SPATA17: variants seen among roughly 807,000 people sequenced by gnomAD.
SPATA17 encodes spermatogenesis-associated protein 17.
A neutral mutation model predicts 62.2 loss-of-function variants in SPATA17; 53 were observed. That is an observed-to-expected ratio of 0.85 (90% CI 0.68 to 1.07). The LOEUF is 1.07. Among genes scored for constraint, SPATA17 ranks in the 50% least tolerant of loss-of-function variants. The probability of loss-of-function intolerance (pLI) is 0.00; values close to 1 mark genes in which losing one functional copy is unlikely to be tolerated. For synonymous variants in SPATA17, 146 were observed against 146.8 expected (o/e 0.99, Z 0.04); for missense variants, 466 against 425.5 (o/e 1.10, Z -0.84).
At chr1:217,685,302 A>G (rs946190906) in intron 5 of SPATA17, among the ~76,000 whole-genome samples, 6 of 152,188 alleles carry the variant, frequency 3.9e-5, no homozygotes, top group Admixed American at 3.9e-4. Flanking sequence ...AATAGGAGAA[A>G]GTCAAGGAGG....
intron 3 of SPATA17, among the ~76,000 whole-genome samples, chr1:217,660,876 G>C (rs898665478): frequency 1.3e-5 from 2 of 152,154 alleles, no homozygotes; most frequent in Non-Finnish European, 2.9e-5. Flanking sequence ...ACAAAAGCAA[G>C]GATGTTTATA....
chr1:217,707,033 A>G (rs1671753045), intron 5 of SPATA17, among the ~76,000 whole-genome samples: 1 of 151,800 alleles, frequency 6.6e-6, no homozygotes, highest in African/African-American at 2.4e-5. Context: ...TGCCCAGCTA[A>G]TTTTTGTATT....
intron 5 of SPATA17, among the ~76,000 whole-genome samples, chr1:217,705,850 T>C (rs544785527): frequency 1.8e-4 from 27 of 152,342 alleles, no homozygotes; most frequent in African/African-American, 6.5e-4. Flanking sequence ...AGGGTTTTTA[T>C]AGTTTTAGGT....
chr1:217,857,912 G>A (rs1431893720), intron 9 of SPATA17, among the ~76,000 whole-genome samples: 1 of 152,182 alleles, frequency 6.6e-6, no homozygotes, highest in Non-Finnish European at 1.5e-5. Flanking sequence ...ATAAGACCAA[G>A]TTTTGGTTAC....
At chr1:217,715,117 G>T (rs1045578680) in intron 5 of SPATA17, among the ~76,000 whole-genome samples, 50 of 152,062 alleles carry the variant, frequency 3.3e-4, no homozygotes, top group African/African-American at 1.2e-3. Flanking sequence ...CCCCTACCGT[G>T]ACCAAGATGG....
At chr1:217,854,328 G>A (rs979825545) in intron 9 of SPATA17, among the ~76,000 whole-genome samples, 1 of 152,084 alleles carries the variant, frequency 6.6e-6, no homozygotes, top group African/African-American at 2.4e-5. Context: ...TAGCAAGTTG[G>A]CAAATTTCAA....
intron 6 of SPATA17, among the ~76,000 whole-genome samples, chr1:217,757,786 A>G (rs1262086851): frequency 6.6e-6 from 1 of 152,216 alleles, no homozygotes; most frequent in Admixed American, 6.5e-5. Flanking sequence ...AAGAGGATGC[A>G]GTGAAGATCA....
intron 9 of SPATA17, among the ~76,000 whole-genome samples, chr1:217,815,713 G>A (rs1307493105): frequency 2.6e-5 from 4 of 152,142 alleles, no homozygotes; most frequent in Non-Finnish European, 4.4e-5. Context: ...CAATAAGTTA[G>A]TGGTTTTAAG....
chr1:217,636,763 T>C (rs1391906006), intron 1 of SPATA17, among the ~76,000 whole-genome samples: 1 of 152,204 alleles, frequency 6.6e-6, no homozygotes. Flanking sequence ...CATTTTGCTT[T>C]TATTTTTCCC....
At chr1:217,778,520 C>CA (rs1325165416) in intron 7 of SPATA17, among the ~76,000 whole-genome samples, 2 of 151,948 alleles carry the variant, frequency 1.3e-5, no homozygotes, top group Non-Finnish European at 2.9e-5. Context: ...GACTCCATCC[C>CA]AAAAAATAAT....
At position 217,643,735 on chromosome 1, in the gene SPATA17, A is replaced by AT. The variant is rs35299208; in HGVS notation, c.69-5135dup. ...CTCTCTATATATATATATATATATA[A>AT]TTTTTTTTTTTTAGATGGAGTCTCA... On this transcript the variant is annotated intron_variant, in intron 1 of 10. Coordinates refer to ENST00000366933, the MANE Select transcript of SPATA17 (RefSeq NM_138796.4). Among the ~76,000 whole-genome samples the AT allele has an allele frequency of 7.8e-3, 1,098 of 141,660 alleles. 10 individuals carry two copies. Among genetic ancestry groups the AT allele is most frequent in the African/African-American group, 0.021 (803 of 38,392 alleles). The allele number at this position is 141,660 out of a possible 152,430, so 92.9% of individuals were successfully genotyped here.
At chr1:217,659,187 A>AACACACACACACAC (rs10546517) in intron 3 of SPATA17, among the ~76,000 whole-genome samples, 1 of 144,550 alleles carries the variant, frequency 6.9e-6, no homozygotes, top group African/African-American at 2.5e-5. Context: ...TGCCCATCAA[A>AACACACACACACAC]ACACACACAC....
chr1:217,815,731 A>G (rs577669337), intron 9 of SPATA17, among the ~76,000 whole-genome samples: 2 of 152,292 alleles, frequency 1.3e-5, no homozygotes, highest in African/African-American at 4.8e-5. Flanking sequence ...AAGAACAAAA[A>G]CAGAGGGTTC....
intron 6 of SPATA17, among the ~76,000 whole-genome samples, chr1:217,769,475 T>G (rs1042752441): frequency 2.0e-5 from 3 of 152,222 alleles, no homozygotes; most frequent in Non-Finnish European, 4.4e-5. Flanking sequence ...AATAAGCATA[T>G]AAACAACCTC....
chr1:217,841,375 T>TTA (rs1376661710), intron 9 of SPATA17, among the ~76,000 whole-genome samples: 2 of 152,030 alleles, frequency 1.3e-5, no homozygotes, highest in Non-Finnish European at 2.9e-5. Context: ...TTGCTAAAAA[T>TTA]TATATCACAG....
At chr1:217,722,616 G>A (rs1246948897) in intron 5 of SPATA17, among the ~76,000 whole-genome samples, 2 of 152,094 alleles carry the variant, frequency 1.3e-5, no homozygotes. Context: ...ATTTGAATGA[G>A]CATTTTTAAA....
intron 5 of SPATA17, among the ~76,000 whole-genome samples, chr1:217,732,803 A>T (rs1378379636): frequency 6.6e-6 from 1 of 152,178 alleles, no homozygotes; most frequent in Non-Finnish European, 1.5e-5. Flanking sequence ...ATAATGTACC[A>T]TATAAATATA....
chr1:217,718,624 G>A (rs1672059029), intron 5 of SPATA17, among the ~76,000 whole-genome samples: 1 of 152,124 alleles, frequency 6.6e-6, no homozygotes, highest in Admixed American at 6.6e-5. Flanking sequence ...TTTTTCAAAT[G>A]CAATGGCCAG....
chr1:217,758,719 C>T (rs907859460), intron 6 of SPATA17, among the ~76,000 whole-genome samples: 1 of 152,052 alleles, frequency 6.6e-6, no homozygotes, highest in African/African-American at 2.4e-5. Context: ...GAGCAAGGAA[C>T]TAAGTGAGGG....
Sources: gnomAD v4.1 joint callset for allele counts (sites outside exome capture counted in the v4.1 genomes callset) on GRCh38, gnomAD v4.1.1 for gene constraint, MANE v1.5 for transcripts, NCBI Gene and HGNC (gene_info 2026-07-23, HGNC 2026-07-21) for gene names.